POPDC2: variants seen among roughly 807,000 people sequenced by gnomAD.
The protein encoded by POPDC2 is popeye domain cAMP effector 2.
A neutral mutation model predicts 30.5 loss-of-function variants in POPDC2; 24 were observed. The observed-to-expected ratio is 0.79, with a 90% CI of 0.57 to 1.11. The LOEUF is 1.11. POPDC2 is among the 50% of genes least tolerant of loss of function. The pLI is 0.00. For synonymous variants in POPDC2, 185 were observed against 183.3 expected, an observed-to-expected ratio of 1.01 and a Z score of -0.07; for missense variants, 409 against 447.0, an observed-to-expected ratio of 0.91 and a Z score of 0.77.
intron 2 of POPDC2, among the ~76,000 whole-genome samples, chr3:119,653,070 G>T (rs774884984): frequency 1.1e-4 from 11 of 100,760 alleles, no homozygotes; most frequent in Non-Finnish European, 4.8e-5. Flanking sequence ...GTGTGTGTGT[G>T]TATGTGTGTG....
intron 1 of POPDC2, among the ~76,000 whole-genome samples, chr3:119,658,669 T>C (rs1489288793): frequency 1.3e-5 from 2 of 152,260 alleles, no homozygotes; most frequent in East Asian, 1.9e-4. Context: ...ATAATCGCAT[T>C]GGTTTACACT....
rs546535270 is a variant in POPDC2, at chr3:119,648,792, C to T, written c.601-124G>A. The stretch of plus-strand genomic sequence containing the variant: ...TTACTGAAGAAGCTGTGTGGGAGTA[C>T]CCCTCTATGGCCTTGCCTGGAGGAG... On this transcript the variant is annotated intron_variant, in intron 2 of 3. Transcript: ENST00000493094. 2.5e-4 allele frequency: 204 copies of T among 831,462 alleles called. No individual in the cohort carries two copies. The African/African-American group carries it at 3.1e-3, about 13-fold the overall frequency. 51.5% of individuals were successfully genotyped at this position (831,462 alleles called of 1,614,324 possible).
intron 3 of POPDC2, chr3:119,643,262 C>A: frequency 4.1e-6 from 3 of 735,540 alleles, no homozygotes; most frequent in Admixed American, 2.2e-5. Flanking sequence ...CTCTAATCTG[C>A]CTCCTCCCAA....
intron 2 of POPDC2, among the ~76,000 whole-genome samples, chr3:119,649,054 G>A (rs2052781332): frequency 6.6e-6 from 1 of 152,224 alleles, no homozygotes; most frequent in Non-Finnish European, 1.5e-5. Context: ...TCTGAAGAGT[G>A]GTTGAAATGC....
chr3:119,649,216 C>G (rs530461067), intron 2 of POPDC2, among the ~76,000 whole-genome samples: 5 of 152,222 alleles, frequency 3.3e-5, no homozygotes, highest in African/African-American at 1.2e-4. Context: ...GGGATACGAG[C>G]AAGTTACGAA....
At chr3:119,646,850 G>A (rs938894851) in intron 3 of POPDC2, among the ~76,000 whole-genome samples, 7 of 152,184 alleles carry the variant, frequency 4.6e-5, no homozygotes, top group African/African-American at 1.7e-4. Context: ...AGGACATAAG[G>A]AGCATGCGTG....
At chr3:119,647,944 C>G (rs1577167755) in intron 3 of POPDC2, among the ~76,000 whole-genome samples, 175 bp downstream of exon 3, 2 of 152,188 alleles carry the variant, frequency 1.3e-5, no homozygotes, top group African/African-American at 4.8e-5. Flanking sequence ...TTTTAAAATC[C>G]CTTCATGCCT....
In POPDC2 at chr3:119,648,135, G is replaced by T. The variant is rs1167943993; in HGVS notation, c.*27C>A. ...AGTACTTACATAGGATCCTGAGCCG[G>T]TGGCTGTGCCCATGTTAGTTCTCCC... On this transcript the variant is annotated 3_prime_UTR_variant, in exon 3 of 4. Transcript: ENST00000493094. The T allele has an allele frequency of 3.4e-6, 5 of 1,477,480 alleles. No individual in the cohort carries two copies. The highest frequency in any genetic ancestry group is 4.5e-6 in the Non-Finnish European group (5 of 1,111,260). 91.5% of individuals were successfully genotyped at this position (1,477,480 alleles called of 1,614,324 possible).
chr3:119,644,903 T>C (rs2052728371), intron 3 of POPDC2, among the ~76,000 whole-genome samples: 1 of 152,146 alleles, frequency 6.6e-6, no homozygotes, highest in Admixed American at 6.5e-5. Flanking sequence ...ATAAGTCAAA[T>C]CAAACATTCA....
At chr3:119,658,176 T>C (rs2052899901) in intron 1 of POPDC2, among the ~76,000 whole-genome samples, 1 of 152,216 alleles carries the variant, frequency 6.6e-6, no homozygotes, top group South Asian at 2.1e-4. Context: ...GATTCTCCTT[T>C]AAAACTAGAG....
At chr3:119,645,141 C>A (rs2052730290) in intron 3 of POPDC2, among the ~76,000 whole-genome samples, 2 of 152,170 alleles carry the variant, frequency 1.3e-5, no homozygotes, top group Non-Finnish European at 2.9e-5. Context: ...AGAAAGTGAG[C>A]CTCATCAGCA....
intron 1 of POPDC2, among the ~76,000 whole-genome samples, chr3:119,659,036 A>G (rs1483068493): frequency 6.6e-6 from 1 of 151,826 alleles, no homozygotes; most frequent in East Asian, 1.9e-4. Flanking sequence ...AAGAGCCACT[A>G]GGGCAGTATA....
intron 2 of POPDC2, among the ~76,000 whole-genome samples, chr3:119,654,157 T>C (rs2052850128): frequency 6.6e-6 from 1 of 152,116 alleles, no homozygotes; most frequent in South Asian, 2.1e-4. Context: ...ATGGCTAGTA[T>C]GAGCAAAAAA....
intron 1 of POPDC2, among the ~76,000 whole-genome samples, chr3:119,656,729 A>C (rs2052883717): frequency 6.6e-6 from 1 of 152,198 alleles, no homozygotes; most frequent in South Asian, 2.1e-4. Flanking sequence ...CTCTCTTCTA[A>C]AGTGAGTTAT....
At chr3:119,653,333 A>G (rs2052837182) in intron 2 of POPDC2, among the ~76,000 whole-genome samples, 1 of 152,210 alleles carries the variant, frequency 6.6e-6, no homozygotes, top group Non-Finnish European at 1.5e-5. Context: ...GAGAGCTACA[A>G]AGAAAGTGAC....
At chr3:119,650,431 C>T (rs889834745) in intron 2 of POPDC2, among the ~76,000 whole-genome samples, 9 of 152,198 alleles carry the variant, frequency 5.9e-5, no homozygotes, top group African/African-American at 2.2e-4. Context: ...AAGACTTTGT[C>T]CCTAGCAGTC....
chr3:119,653,188 A>G (rs890560641), intron 2 of POPDC2, among the ~76,000 whole-genome samples: 5 of 152,182 alleles, frequency 3.3e-5, no homozygotes, highest in African/African-American at 1.2e-4. Context: ...TGGGCAAATT[A>G]CTTGATGTTT....
intron 2 of POPDC2, 65 bp downstream of exon 2, chr3:119,654,440 G>A (rs1166850335): frequency 1.9e-6 from 2 of 1,074,814 alleles, no homozygotes; most frequent in Non-Finnish European, 1.4e-6. Context: ...AAACATGGAG[G>A]CACGGATATT....
chr3:119,660,628 TTCTCTC>T (rs370359165), upstream of POPDC2: 39 of 413,234 alleles, frequency 9.4e-5, no homozygotes, highest in Non-Finnish European at 1.4e-4. Context: ...AAAAACCTCT[TTCTCTC>T]TCTCTCTCTC....
Sources: allele counts gnomAD v4.1 joint callset (sites outside exome capture counted in the v4.1 genomes callset), GRCh38; gene constraint gnomAD v4.1.1; transcripts MANE v1.5; gene names NCBI Gene and HGNC (gene_info 2026-07-23, HGNC 2026-07-21).